The following KLF12 variants were observed in gnomAD, a reference collection of about 807,000 sequenced individuals.
KLF12 encodes the protein KLF transcription factor 12.
A neutral mutation model predicts 37.8 loss-of-function variants in KLF12; 9 were observed. That is an observed-to-expected ratio of 0.24 (90% CI 0.14 to 0.42). The LOEUF (loss-of-function observed/expected upper bound fraction) is 0.42, where lower values mean the gene tolerates loss of function less well. Ranked by LOEUF, KLF12 falls within the 10% of genes least tolerant of loss-of-function variation. The probability of loss-of-function intolerance (pLI) is 1.00; values close to 1 mark genes in which losing one functional copy is unlikely to be tolerated. For synonymous variants in KLF12, 208 were observed against 202.1 expected (o/e 1.03, Z -0.25); for missense variants, 411 against 516.0 (o/e 0.80, Z 1.97).
At chr13:73,919,387 C>T (rs935815927) in intron 3 of KLF12, among the ~76,000 whole-genome samples, 1 of 152,188 alleles carries the variant, frequency 6.6e-6, no homozygotes, top group Non-Finnish European at 1.5e-5. Flanking sequence ...TTTTATGATG[C>T]TGCTAGACTG....
rs1593953622 is a variant in KLF12 at position 73,686,703 on chromosome 13, G to A, written c.*8787C>T. The A allele has an allele frequency of 6.6e-6, 1 of 152,316 alleles. No individual in the cohort carries two copies. Among genetic ancestry groups the A allele is most frequent in the South Asian group, 2.1e-4 (1 of 4,822 alleles). The allele number at this position is 152,316 out of a possible 1,614,324, so 9.4% of individuals were successfully genotyped here. On this transcript the variant is annotated 3_prime_UTR_variant, in exon 8 of 8. Coordinates refer to ENST00000377669, the MANE Select transcript of KLF12 (RefSeq NM_007249.5). ...TAACTCCCTGGGGTCAGAGACCCAA[G>A]AGTGTTTTGTAAAATTACATCCATA...
At chr13:73,900,906 A>G (rs1414911359) in intron 3 of KLF12, among the ~76,000 whole-genome samples, 1 of 152,162 alleles carries the variant, frequency 6.6e-6, no homozygotes, top group Non-Finnish European at 1.5e-5. Flanking sequence ...AAAATCTTGA[A>G]AGTTCTGAGT....
intron 5 of KLF12, among the ~76,000 whole-genome samples, chr13:73,804,804 C>A (rs548842990): frequency 6.6e-6 from 1 of 152,276 alleles, no homozygotes; most frequent in East Asian, 1.9e-4. Context: ...ATATCTGAGT[C>A]AAAGAATATT....
At chr13:74,235,680 C>A in the KLF12 span, among the ~76,000 whole-genome samples, 1 of 152,058 alleles carries the variant, frequency 6.6e-6, no homozygotes, top group African/African-American at 2.4e-5. Context: ...AAAAGCTATA[C>A]TTTCATGAGG....
chr13:74,275,864 T>G, the KLF12 span, among the ~76,000 whole-genome samples: 2 of 107,646 alleles, frequency 1.9e-5, no homozygotes, highest in Non-Finnish European at 3.8e-5. Context: ...CTTTCTTTCT[T>G]TCTATCTTTC....
intron 1 of KLF12, among the ~76,000 whole-genome samples, chr13:74,103,900 A>G (rs1593902993): frequency 1.3e-5 from 2 of 152,350 alleles, no homozygotes; most frequent in East Asian, 1.9e-4. Context: ...GAAACAAATG[A>G]TAAGTTTTGT....
intron 1 of KLF12, among the ~76,000 whole-genome samples, chr13:74,019,923 A>T (rs1373997055): frequency 6.6e-6 from 1 of 152,226 alleles, no homozygotes; most frequent in Non-Finnish European, 1.5e-5. Flanking sequence ...TAACAATTTC[A>T]AAATCTTTAG....
chr13:74,280,825 C>CTTT, the KLF12 span, among the ~76,000 whole-genome samples: 193 of 110,554 alleles, frequency 1.7e-3, 2 homozygotes, highest in African/African-American at 6.0e-3. Flanking sequence ...TTTCTTTTTT[C>CTTT]TTTTTTTTTT....
intron 4 of KLF12, among the ~76,000 whole-genome samples, chr13:73,817,355 A>AC (rs1883289897): frequency 6.6e-6 from 1 of 150,918 alleles, no homozygotes; most frequent in Non-Finnish European, 1.5e-5. Flanking sequence ...AAAACAAAAA[A>AC]AAAAAAGAAA....
the KLF12 span, among the ~76,000 whole-genome samples, chr13:74,299,785 C>T: frequency 6.6e-6 from 1 of 152,008 alleles, no homozygotes; most frequent in African/African-American, 2.4e-5. Context: ...TCTTCTTCTC[C>T]TTTTTTAAGG....
intron 3 of KLF12, among the ~76,000 whole-genome samples, chr13:73,879,535 C>A (rs955588771): frequency 7.9e-5 from 12 of 152,198 alleles, no homozygotes; most frequent in Non-Finnish European, 1.5e-5. Flanking sequence ...TCAAAACACA[C>A]AGTAAAACCA....
the KLF12 span, among the ~76,000 whole-genome samples, chr13:74,275,842 CT>C: frequency 1.7e-4 from 19 of 114,574 alleles, no homozygotes; most frequent in Non-Finnish European, 2.7e-4. Flanking sequence ...TTCTTTCTTT[CT>C]TTCTTTCTTT....
intron 1 of KLF12, among the ~76,000 whole-genome samples, chr13:74,085,852 G>A (rs1353137102): frequency 6.6e-6 from 1 of 152,108 alleles, no homozygotes. Flanking sequence ...CTTCTGAGCA[G>A]AATGGCTATT....
intron 3 of KLF12, among the ~76,000 whole-genome samples, chr13:73,904,469 CTTTTTTTTTTTTTT>C (rs11342071): frequency 1.1e-5 from 1 of 92,030 alleles, no homozygotes; most frequent in Admixed American, 1.2e-4. Flanking sequence ...TCTTTCTTTC[CTTTTTTTTTTTTTT>C]TTTTTTTTTA....
intron 3 of KLF12, among the ~76,000 whole-genome samples, chr13:73,907,806 G>A (rs1159535459): frequency 6.6e-6 from 1 of 152,060 alleles, no homozygotes; most frequent in Non-Finnish European, 1.5e-5. Flanking sequence ...CCCTCACAGT[G>A]AAAGCCTAAG....
At chr13:74,089,601 G>A (rs774221891) in intron 1 of KLF12, among the ~76,000 whole-genome samples, 1 of 151,698 alleles carries the variant, frequency 6.6e-6, no homozygotes, top group Non-Finnish European at 1.5e-5. Flanking sequence ...ATATACCATG[G>A]CCAACTGGGA....
At chr13:74,019,655 GA>G (rs1259358053) in intron 1 of KLF12, among the ~76,000 whole-genome samples, 1 of 152,090 alleles carries the variant, frequency 6.6e-6, no homozygotes, top group Non-Finnish European at 1.5e-5. Flanking sequence ...CCTTTTCCTG[GA>G]AACATCTTTT....
intron 6 of KLF12, among the ~76,000 whole-genome samples, chr13:73,752,138 G>A (rs937478772): frequency 6.6e-6 from 1 of 152,014 alleles, no homozygotes; most frequent in Non-Finnish European, 1.5e-5. Context: ...AAATGCCACT[G>A]CACTCAGCTA....
chr13:74,262,484 T>C, the KLF12 span, among the ~76,000 whole-genome samples: 2 of 152,238 alleles, frequency 1.3e-5, no homozygotes, highest in Non-Finnish European at 2.9e-5. Flanking sequence ...AGGTCCCTGA[T>C]ATAAAATGGA....
Sources: gnomAD v4.1 joint callset for allele counts (sites outside exome capture counted in the v4.1 genomes callset) on GRCh38, gnomAD v4.1.1 for gene constraint, MANE v1.5 for transcripts, NCBI Gene and HGNC (gene_info 2026-07-23, HGNC 2026-07-21) for gene names.